Variants in USP20 observed in about 807,000 individuals in gnomAD.
USP20 encodes the protein ubiquitin carboxyl-terminal hydrolase 20.
USP20 carries 80 observed loss-of-function variants against 124.2 expected under a neutral mutation model. The ratio of observed to expected loss-of-function variants is 0.64; its 90% CI spans 0.54 to 0.78. The LOEUF (loss-of-function observed/expected upper bound fraction) is 0.78, where lower values mean the gene tolerates loss of function less well. Among genes scored for constraint, USP20 ranks in the 30% least tolerant of loss-of-function variants. The probability of loss-of-function intolerance (pLI) is 0.00; values close to 1 mark genes in which losing one functional copy is unlikely to be tolerated. For synonymous variants in USP20, 481 were observed against 512.3 expected (o/e 0.94, Z 0.83); for missense variants, 1,043 against 1,244.4 (o/e 0.84, Z 2.44).
chr9:129,874,839 C>T lies in USP20; in HGVS notation c.1932C>T (p.Tyr644=). The part of the protein sequence containing the change: ...CHHGTAGSGH[Y]IAYCQNVING... ...GCTCTGCCGCCGCAGGTGGGCACTA[C>T]ATCGCCTACTGCCAGAACGTGATCA... Residue 644 remains tyrosine, a synonymous_variant, in exon 19 of 26, where the codon TAC becomes TAT. Coordinates refer to ENST00000372429, the MANE Select transcript of USP20 (RefSeq NM_001110303.4). 1 of 1,614,140 alleles carries T rather than the reference C, an allele frequency of 6.2e-7. No individual in the cohort carries two copies. The highest frequency in any genetic ancestry group is 8.5e-7 in the Non-Finnish European group (1 of 1,180,048).
At chr9:129,871,001 A>T (rs1474834322) in intron 15 of USP20, among the ~76,000 whole-genome samples, 1 of 152,192 alleles carries the variant, frequency 6.6e-6, no homozygotes, top group African/African-American at 2.4e-5. Flanking sequence ...AATTGCGATA[A>T]AATACACAAA....
chr9:129,847,263 G>A (rs1417317405), intron 1 of USP20, among the ~76,000 whole-genome samples: 5 of 150,830 alleles, frequency 3.3e-5, no homozygotes, highest in African/African-American at 1.2e-4. Context: ...AGTGCACAGG[G>A]CTCCAATTTA....
intron 12 of USP20, 102 bp from the exon 13 acceptor site, chr9:129,869,208 T>G (rs892738648): frequency 3.7e-5 from 50 of 1,336,238 alleles, no homozygotes; most frequent in Non-Finnish European, 5.2e-5. Flanking sequence ...GTCATGTGAC[T>G]CACGGATGTC....
Position 129,868,220 on chromosome 9 carries a change from GGGCA to G in USP20, c.908_911del (p.Gly303AlafsTer9). The stretch of plus-strand genomic sequence containing the variant: ...AGGGTGACGGGCAGGGGCGTGGCGG[GGGCA>G]GCTCGCAGGCCGAGACGGAGCTGCT... On this transcript the variant is annotated frameshift_variant, in exon 11 of 26. Coordinates refer to ENST00000372429, the MANE Select transcript of USP20 (RefSeq NM_001110303.4). LOFTEE classifies it high-confidence loss of function. 1 of 1,613,928 alleles carries G rather than the reference GGGCA, an allele frequency of 6.2e-7. No individual in the cohort carries two copies. The highest frequency in any genetic ancestry group is 8.5e-7 in the Non-Finnish European group (1 of 1,179,898).
rs546301847 is a variant in USP20, at chr9:129,842,288, C to A, written c.-129+6789C>A. ...TCCTTCCATAGTGACCGTTACCTCC[C>A]GGGATAATGTATGTGCAGCAGCTAA... is the stretch of plus-strand genomic sequence containing the variant. On this transcript the variant is annotated intron_variant, in intron 1 of 25. Coordinates refer to ENST00000372429, the MANE Select transcript of USP20 (RefSeq NM_001110303.4). 7.2e-5 allele frequency among the ~76,000 whole-genome samples: 11 copies of A among 152,120 alleles called. No individual in the cohort carries two copies. The South Asian group carries it at 1.9e-3, about 26-fold the overall frequency.
At chr9:129,858,316 TGACTGGGGGTGGGTAA>T in intron 5 of USP20, 135 bp from the exon 6 acceptor site, 9 of 1,228,362 alleles carry the variant, frequency 7.3e-6, no homozygotes, top group Non-Finnish European at 9.3e-6. Context: ...CTCAGGGTCC[TGACTGGGGGTGGGTAA>T]GCAAAATTTG....
In USP20 at chr9:129,879,981, C is replaced by A; in HGVS notation, c.2585-132C>A. 1 of 1,100,714 alleles carries A rather than the reference C, an allele frequency of 9.1e-7. No individual in the cohort carries two copies. Among genetic ancestry groups the A allele is most frequent in the Non-Finnish European group, 1.3e-6 (1 of 778,696 alleles). 68.2% of individuals were successfully genotyped at this position (1,100,714 alleles called of 1,614,324 possible). A position where few individuals can be genotyped will look rare whatever the true frequency, so the allele number is the denominator to read the frequency against. ...CTGGGAAATCCTGATTTCCATCTGA[C>A]AGCTTTGCATAGAAGCCCTGGTTGC... On this transcript the variant is annotated intron_variant, in intron 24 of 25. Coordinates refer to ENST00000372429, the MANE Select transcript of USP20 (RefSeq NM_001110303.4). This position sits in a 1 kb window ranked among gnomAD's most constrained non-coding sequence, Gnocchi z 4.2.
chr9:129,857,142 C>G (rs1372222065), intron 4 of USP20, among the ~76,000 whole-genome samples: 1 of 152,128 alleles, frequency 6.6e-6, no homozygotes, highest in African/African-American at 2.4e-5. Flanking sequence ...GTGCAGGGGC[C>G]TCCAGTGGGA....
intron 1 of USP20, among the ~76,000 whole-genome samples, chr9:129,838,658 A>G (rs898520918): frequency 3.7e-4 from 56 of 152,160 alleles, no homozygotes; most frequent in African/African-American, 1.4e-3. Context: ...GCCTGAAAAG[A>G]GAGGATCTGA....
At chr9:129,869,614 G>A (rs746865046) in intron 13 of USP20, 58 bp from the exon 14 acceptor site, 3 of 1,602,170 alleles carry the variant, frequency 1.9e-6, no homozygotes, top group Non-Finnish European at 2.6e-6. Flanking sequence ...TGCTGCTTGG[G>A]GTTTGGGGTG....
Position 129,851,179 on chromosome 9 carries a change from C to T in USP20, c.-17+1255C>T, listed in dbSNP as rs539609794. ...TTTTCTTTTGAAATAATTATAGATT[C>T]ACAGGCAGTTGCAAAAAATGTACCC... On this transcript the variant is annotated intron_variant, in intron 2 of 25. Coordinates refer to ENST00000372429, the MANE Select transcript of USP20 (RefSeq NM_001110303.4). 9.7e-4 allele frequency among the ~76,000 whole-genome samples: 147 copies of T among 151,926 alleles called. No homozygotes were observed. The Middle Eastern group carries it at 0.01, about 11-fold the overall frequency.
At position 129,868,236 on chromosome 9, in the gene USP20, G is replaced by C; in HGVS notation, c.922G>C (p.Glu308Gln). The part of the protein sequence containing the change: ...QGRGGGSSQA[E>Q]TELLIPDEAG... ...GCGTGGCGGGGGCAGCTCGCAGGCC[G>C]AGACGGAGCTGCTGATCCCAGATGA... The change falls in exon 11 of 26, where the codon GAG becomes CAG. Residue 308 changes from glutamate (E) to glutamine (Q), a missense_variant. Physicochemically the swap from Glu to Gln is conservative, Grantham distance 29. Coordinates refer to ENST00000372429, the MANE Select transcript of USP20 (RefSeq NM_001110303.4). The C allele has an allele frequency of 1.2e-6, 2 of 1,613,878 alleles. No homozygotes were observed. The highest frequency in any genetic ancestry group is 1.7e-6 in the Non-Finnish European group (2 of 1,179,896).
At chr9:129,836,118 C>T (rs2031815660) in intron 1 of USP20, among the ~76,000 whole-genome samples, 1 of 152,216 alleles carries the variant, frequency 6.6e-6, no homozygotes, top group African/African-American at 2.4e-5. Flanking sequence ...GCCCCTTCCA[C>T]CCCGAAGATG....
At chr9:129,857,776 C>T (rs948511931) in intron 4 of USP20, among the ~76,000 whole-genome samples, 2 of 152,204 alleles carry the variant, frequency 1.3e-5, no homozygotes, top group African/African-American at 4.8e-5. Flanking sequence ...AGCTGGGACC[C>T]CGCCTGGGCT....
chr9:129,870,250 T>G, intron 14 of USP20: 1 of 599,554 alleles, frequency 1.7e-6, no homozygotes, highest in Admixed American at 3.0e-5. Context: ...GAGGCCAGGC[T>G]TGCGGAGAGA....
rs976525515 is a variant in USP20 at position 129,879,721 on chromosome 9, C to T, written c.2584+77C>T. 56 of 1,528,140 alleles carry T rather than the reference C, an allele frequency of 3.7e-5. No individual in the cohort carries two copies. Among genetic ancestry groups the T allele is most frequent in the Non-Finnish European group, 4.2e-5 (46 of 1,105,728 alleles). The allele number at this position is 1,528,140 out of a possible 1,614,324, so 94.7% of individuals were successfully genotyped here. ...AGGCTGCTGCCCAGTCCCGTCCTTC[C>T]AGGAGCCCCCTTACCACCTGTCTTA... On this transcript the variant is annotated intron_variant, in intron 24 of 25. Coordinates refer to ENST00000372429, the MANE Select transcript of USP20 (RefSeq NM_001110303.4). This position sits in a 1 kb window ranked among gnomAD's most constrained non-coding sequence, Gnocchi z 4.2.
intron 8 of USP20, among the ~76,000 whole-genome samples, chr9:129,862,172 G>A (rs1286161679): frequency 1.3e-5 from 2 of 152,176 alleles, no homozygotes; most frequent in Non-Finnish European, 2.9e-5. Flanking sequence ...GGGTACAAAT[G>A]CGTAGAAAAG....
In USP20 at chr9:129,880,484, C is replaced by T. The variant is rs1588296441; in HGVS notation, c.*34C>T. 7 of 640,968 alleles carry T rather than the reference C, an allele frequency of 1.1e-5. No individual in the cohort carries two copies. The highest frequency in any genetic ancestry group is 3.6e-5 in the African/African-American group (2 of 54,824). The allele number at this position is 640,968 out of a possible 1,614,324, so 39.7% of individuals were successfully genotyped here. A position where few individuals can be genotyped will look rare whatever the true frequency, so the allele number is the denominator to read the frequency against. On this transcript the variant is annotated 3_prime_UTR_variant, in exon 26 of 26. Coordinates refer to ENST00000372429, the MANE Select transcript of USP20 (RefSeq NM_001110303.4). ...CCCCACAGCCCCATGTGCCCCACCC[C>T]GCGGAAGGCGTGTTTGTGCCCAGAA...
Position 129,874,697 on chromosome 9 carries a change from C to CA in USP20, c.1863dup (p.Ser622IlefsTer39), listed in dbSNP as rs750514232. 6.2e-7 allele frequency: 1 copy of CA among 1,613,988 alleles called. No homozygotes were observed. The highest frequency in any genetic ancestry group is 1.1e-5 in the South Asian group (1 of 91,086). On this transcript the variant is annotated frameshift_variant, in exon 18 of 26. Coordinates refer to ENST00000372429, the MANE Select transcript of USP20 (RefSeq NM_001110303.4). LOFTEE classifies it high-confidence loss of function. ...CGCCCCTTCCTTGCCAAGGAGTGCACATCCCAGATCACCACCTACGACCTC... is the reference window on the plus strand; with the variant it reads ...CGCCCCTTCCTTGCCAAGGAGTGCACAATCCCAGATCACCACCTACGACCTC...
Sources: gnomAD v4.1 joint callset for allele counts (sites outside exome capture counted in the v4.1 genomes callset) on GRCh38, gnomAD v4.1.1 for gene constraint, Gnocchi (gnomAD v3.1) non-coding constraint, MANE v1.5 for transcripts, NCBI Gene and HGNC (gene_info 2026-07-23, HGNC 2026-07-21) for gene names.